Variants in LYRM4 observed in about 807,000 individuals in gnomAD.
LYRM4 encodes the protein LYR motif-containing protein 4.
A neutral mutation model predicts 11.7 loss-of-function variants in LYRM4; 9 were observed. The ratio of observed to expected loss-of-function variants is 0.77; its 90% CI spans 0.46 to 1.34. The LOEUF is 1.34. Among genes scored for constraint, LYRM4 ranks in the 40% most tolerant of loss-of-function variants. The pLI, the probability that LYRM4 is intolerant of heterozygous loss-of-function variation, is 0.00. For missense variants in LYRM4, 133 were observed against 112.5 expected (o/e 1.18, Z -0.82); for synonymous variants, 42 against 40.4 (o/e 1.04, Z -0.15).
At chr6:5,114,212 C>T (rs930319666) in intron 2 of LYRM4, among the ~76,000 whole-genome samples, 2 of 152,206 alleles carry the variant, frequency 1.3e-5, no homozygotes, top group African/African-American at 4.8e-5. Context: ...AGCCATCTAG[C>T]ACTGTAAGAT....
At chr6:5,128,022 A>G (rs577717531) in intron 2 of LYRM4, among the ~76,000 whole-genome samples, 2 of 152,212 alleles carry the variant, frequency 1.3e-5, no homozygotes, top group Non-Finnish European at 2.9e-5. Flanking sequence ...GAATTATAGG[A>G]TAGTATGAAA....
At chr6:5,042,154 C>T in the LYRM4 span, among the ~76,000 whole-genome samples, 99,558 of 152,014 alleles carry the variant, frequency 0.65, 35,832 homozygotes, top group East Asian at 0.95. Flanking sequence ...AAAATAATTG[C>T]GCAATTCTGC....
chr6:5,039,509 T>G, the LYRM4 span, among the ~76,000 whole-genome samples: 1 of 152,166 alleles, frequency 6.6e-6, no homozygotes, highest in Admixed American at 6.5e-5. Context: ...CCAATTACAA[T>G]CTAAAGTAAC....
chr6:5,043,392 C>T, the LYRM4 span: 2 of 152,028 alleles, frequency 1.3e-5, no homozygotes, highest in Non-Finnish European at 1.5e-5. Context: ...ACAAGGACTC[C>T]TTATACTTCA....
chr6:5,190,540 TTGAC>T (rs1411552414), intron 2 of LYRM4, among the ~76,000 whole-genome samples: 4 of 152,220 alleles, frequency 2.6e-5, no homozygotes, highest in Non-Finnish European at 5.9e-5. Flanking sequence ...GCGTGATAAC[TTGAC>T]TATCTCTCAT....
At chr6:5,143,697 TAC>T (rs925075891) in intron 2 of LYRM4, among the ~76,000 whole-genome samples, 9 of 152,180 alleles carry the variant, frequency 5.9e-5, no homozygotes, top group African/African-American at 2.2e-4. Flanking sequence ...CACAAGGCAA[TAC>T]AGCTCTGATG....
chr6:5,144,105 G>A, intron 2 of LYRM4: 2 of 1,534,174 alleles, frequency 1.3e-6, no homozygotes, highest in Non-Finnish European at 1.7e-6. Context: ...AGAGCGATCT[G>A]ATCTGATGTG....
At position 5,123,865 on chromosome 6, in the gene LYRM4, C is replaced by G. The variant is rs554858802; in HGVS notation, c.208-14374G>C. ...TCGAGCCACTCACAGTGTAGTTTTT[C>G]TCTAGCATTCTGCAGGGGAGATGCA... On this transcript the variant is annotated intron_variant, in intron 2 of 2. Transcript: ENST00000330636. Among the ~76,000 whole-genome samples, 6 of 152,334 alleles carry G rather than the reference C, an allele frequency of 3.9e-5. No homozygotes were observed. The East Asian group carries it at 9.7e-4, about 25-fold the overall frequency.
At chr6:5,257,757 C>T (rs759428692) in intron 1 of LYRM4, among the ~76,000 whole-genome samples, 4 of 152,130 alleles carry the variant, frequency 2.6e-5, no homozygotes, top group African/African-American at 7.2e-5. Context: ...AGTTTCATCC[C>T]GAAACCATCC....
chr6:5,118,935 A>C (rs1268647560), intron 2 of LYRM4, among the ~76,000 whole-genome samples: 1 of 152,198 alleles, frequency 6.6e-6, no homozygotes, highest in Non-Finnish European at 1.5e-5. Flanking sequence ...TGCTACTTTT[A>C]ATTCTGCCAC....
At position 5,202,131 on chromosome 6, in the gene LYRM4, T is replaced by C. The variant is rs191430032; in HGVS notation, c.207+14487A>G. Among the ~76,000 whole-genome samples, 107 of 152,392 alleles carry C rather than the reference T, an allele frequency of 7.0e-4. No homozygotes were observed. The East Asian group carries it at 0.014, about 19-fold the overall frequency. On this transcript the variant is annotated intron_variant, in intron 2 of 2. Transcript: ENST00000330636. The stretch of plus-strand genomic sequence containing the variant: ...TTGTTTTTGCAGGTGCTCAATTAAC[T>C]GAATTACACTTTGCAATTCTAAATT...
intron 2 of LYRM4, among the ~76,000 whole-genome samples, chr6:5,187,950 A>G (rs965402927): frequency 6.6e-6 from 1 of 152,218 alleles, no homozygotes; most frequent in African/African-American, 2.4e-5. Flanking sequence ...CTGGAAGGCT[A>G]CATAAGAATC....
intron 2 of LYRM4, among the ~76,000 whole-genome samples, chr6:5,173,803 A>G (rs115190228): frequency 0.018 from 2,712 of 152,350 alleles, 76 homozygotes; most frequent in African/African-American, 0.062. Context: ...TCCTGAATTA[A>G]TGCGGTGGGT....
intron 1 of LYRM4, among the ~76,000 whole-genome samples, chr6:5,260,279 A>G (rs984546104): frequency 6.6e-6 from 1 of 152,222 alleles, no homozygotes; most frequent in Non-Finnish European, 1.5e-5. Context: ...CCAGTGCTCA[A>G]GGGAAGTTTT....
chr6:5,152,836 C>T (rs555168524), intron 2 of LYRM4, among the ~76,000 whole-genome samples: 2 of 152,328 alleles, frequency 1.3e-5, no homozygotes, highest in South Asian at 2.1e-4. Flanking sequence ...ACGCAGCAGA[C>T]GGCAACTCTT....
At chr6:5,099,561 C>T (rs1762439734), downstream of LYRM4, among the ~76,000 whole-genome samples, 1 of 152,092 alleles carries the variant, frequency 6.6e-6, no homozygotes, top group African/African-American at 2.4e-5. The surrounding 1 kb of genome is among the most constrained non-coding windows in gnomAD (Gnocchi z 4.3). Flanking sequence ...TTCCTTGTAG[C>T]CTATGTCAAT....
At chr6:5,073,958 G>A in the LYRM4 span, among the ~76,000 whole-genome samples, 3 of 152,092 alleles carry the variant, frequency 2.0e-5, no homozygotes, top group Admixed American at 1.3e-4. Context: ...AGCACAGGGG[G>A]CCACAGAAGC....
At chr6:5,256,351 G>A (rs771156234) in intron 1 of LYRM4, among the ~76,000 whole-genome samples, 300 of 151,788 alleles carry the variant, frequency 2.0e-3, no homozygotes, top group Non-Finnish European at 3.2e-3. Context: ...TTAGCCAGGC[G>A]TAGTGGCAGG....
Position 5,260,872 on chromosome 6 carries a change from G to C in LYRM4, c.-139C>G. ...GGCTTTGCCAGCGGGCCGGGCCTAA[G>C]CCTAAGCGGGCAGCCCTGCGGATCG... On this transcript the variant is annotated 5_prime_UTR_variant, in exon 1 of 3. Transcript: ENST00000330636. 3.5e-6 allele frequency: 5 copies of C among 1,447,070 alleles called. No homozygotes were observed. Among genetic ancestry groups the C allele is most frequent in the Non-Finnish European group, 4.5e-6 (5 of 1,105,886 alleles). 89.6% of individuals were successfully genotyped at this position (1,447,070 alleles called of 1,614,324 possible). A position where few individuals can be genotyped will look rare whatever the true frequency, so the allele number is the denominator to read the frequency against.
Sources: allele counts gnomAD v4.1 joint callset (sites outside exome capture counted in the v4.1 genomes callset), GRCh38; gene constraint gnomAD v4.1.1; non-coding constraint Gnocchi (gnomAD v3.1); transcripts MANE v1.5; gene names NCBI Gene and HGNC (gene_info 2026-07-23, HGNC 2026-07-21).